The following TTC6 variants were observed in gnomAD, a reference collection of about 807,000 sequenced individuals.
TTC6 encodes the protein tetratricopeptide repeat domain 6.
In TTC6, 172 loss-of-function variants were observed where a neutral mutation model predicts 210.4. The observed-to-expected ratio is 0.82, with a 90% CI of 0.72 to 0.93. TTC6 has a LOEUF of 0.93. TTC6 is among the 40% of genes least tolerant of loss of function. The pLI, the probability that TTC6 is intolerant of heterozygous loss-of-function variation, is 0.00. For missense variants in TTC6, 2,414 were observed against 2,318.1 expected (o/e 1.04, Z -0.85); for synonymous variants, 804 against 819.6 (o/e 0.98, Z 0.32).
chr14:37,739,867 A>G (rs1168935226), intron 10 of TTC6, among the ~76,000 whole-genome samples: 1 of 152,102 alleles, frequency 6.6e-6, no homozygotes, highest in African/African-American at 2.4e-5. Context: ...TGAGTTATAA[A>G]TCTAGATAAT....
chr14:37,616,117 C>T (rs2095642249), intron 2 of TTC6, among the ~76,000 whole-genome samples: 2 of 152,164 alleles, frequency 1.3e-5, no homozygotes, highest in Non-Finnish European at 2.9e-5. Flanking sequence ...CTCTTTAAGC[C>T]TTTACTGTGC....
chr14:37,711,029 C>A (rs756786953), intron 5 of TTC6, among the ~76,000 whole-genome samples: 1 of 152,056 alleles, frequency 6.6e-6, no homozygotes, highest in African/African-American at 2.4e-5. Flanking sequence ...GTTTCTGACT[C>A]ATTAGGTCTG....
intron 26 of TTC6, among the ~76,000 whole-genome samples, chr14:37,818,250 A>G (rs2096146911): frequency 6.6e-6 from 1 of 152,098 alleles, no homozygotes; most frequent in Non-Finnish European, 1.5e-5. Flanking sequence ...ACATAAGGTT[A>G]AAATATAGAA....
At chr14:37,711,318 A>T (rs768277223) in intron 5 of TTC6, among the ~76,000 whole-genome samples, 7 of 152,150 alleles carry the variant, frequency 4.6e-5, no homozygotes, top group Non-Finnish European at 1.0e-4. Context: ...TACTGTGAAA[A>T]AGGCATACGG....
chr14:37,610,672 T>A (rs1325511017), intron 2 of TTC6, among the ~76,000 whole-genome samples: 1 of 152,188 alleles, frequency 6.6e-6, no homozygotes. Flanking sequence ...CCGACTGCCG[T>A]AGTACTGCCT....
chr14:37,765,115 G>C (rs1008176866), intron 14 of TTC6, among the ~76,000 whole-genome samples: 10 of 151,720 alleles, frequency 6.6e-5, no homozygotes, highest in African/African-American at 2.4e-4. Context: ...GTATAAGTTT[G>C]TCCCCAACTT....
intron 10 of TTC6, among the ~76,000 whole-genome samples, chr14:37,740,237 TTCCTTACTTGAAAGTAA>T (rs1432490318): frequency 6.6e-6 from 1 of 152,152 alleles, no homozygotes; most frequent in East Asian, 1.9e-4. Context: ...AAATAGTTTT[TTCCTTACTTGAAAGTAA>T]TAGTAGCCAG....
intron 14 of TTC6, among the ~76,000 whole-genome samples, chr14:37,768,979 A>G (rs1485978718): frequency 6.6e-6 from 1 of 152,046 alleles, no homozygotes; most frequent in East Asian, 1.9e-4. Flanking sequence ...ACGTCCCATC[A>G]ATACCTAATT....
intron 5 of TTC6, among the ~76,000 whole-genome samples, chr14:37,710,240 C>T (rs1213320140): frequency 1.3e-5 from 2 of 152,104 alleles, no homozygotes; most frequent in Non-Finnish European, 2.9e-5. Flanking sequence ...GAGAACCTCT[C>T]TGTTGGGGTC....
chr14:37,629,232 C>T lies in TTC6; in HGVS notation c.939+6229C>T, dbSNP rs561753046. Among the ~76,000 whole-genome samples, 3 of 152,264 alleles carry T rather than the reference C, an allele frequency of 2.0e-5. No individual in the cohort carries two copies. In the South Asian group the frequency reaches 6.2e-4, roughly 32 times the overall value. On this transcript the variant is annotated intron_variant, in intron 1 of 30. Transcript: ENST00000553443. Reference sequence around the variant, plus strand: ...TTTTCACGATATTGATTCTTCCTATCCATGAGCATGGAATATTTTTCCATT... The same window carrying T: ...TTTTCACGATATTGATTCTTCCTATTCATGAGCATGGAATATTTTTCCATT...
At chr14:37,759,784 A>G (rs938966842) in intron 14 of TTC6, among the ~76,000 whole-genome samples, 4 of 151,940 alleles carry the variant, frequency 2.6e-5, no homozygotes, top group African/African-American at 9.7e-5. Flanking sequence ...TTTCTACTTG[A>G]TTGATTTGGC....
chr14:37,685,240 G>A (rs1423721204), intron 3 of TTC6, among the ~76,000 whole-genome samples: 2 of 152,142 alleles, frequency 1.3e-5, no homozygotes, highest in Non-Finnish European at 2.9e-5. Context: ...CAGGTATGGG[G>A]ATGTCCTGAA....
chr14:37,819,806 C>T (rs1410449807), intron 26 of TTC6, among the ~76,000 whole-genome samples: 4 of 152,148 alleles, frequency 2.6e-5, no homozygotes, highest in Non-Finnish European at 2.9e-5. Flanking sequence ...CATCTGGTCA[C>T]GTATGTGATT....
intron 14 of TTC6, among the ~76,000 whole-genome samples, chr14:37,762,332 A>T (rs2095987033): frequency 6.6e-6 from 1 of 152,162 alleles, no homozygotes; most frequent in African/African-American, 2.4e-5. Context: ...AATACTTTGG[A>T]TATATACCCA....
At chr14:37,801,118 GGATATTATT>G (rs2096105664) in intron 20 of TTC6, among the ~76,000 whole-genome samples, 1 of 152,078 alleles carries the variant, frequency 6.6e-6, no homozygotes, top group Non-Finnish European at 1.5e-5. Context: ...GAATATCTGT[GGATATTATT>G]CTATGCCTGT....
intron 1 of TTC6, among the ~76,000 whole-genome samples, chr14:37,656,371 GCTA>G (rs2095722924): frequency 6.6e-6 from 1 of 152,162 alleles, no homozygotes; most frequent in Non-Finnish European, 1.5e-5. Context: ...TCTTTGAACA[GCTA>G]CTATGTACCA....
intron 15 of TTC6, among the ~76,000 whole-genome samples, chr14:37,788,615 G>A (rs545615765): frequency 1.4e-4 from 21 of 152,124 alleles, no homozygotes; most frequent in African/African-American, 4.6e-4. Flanking sequence ...TAATTCTTTC[G>A]TCATCTTTGA....
upstream of TTC6, among the ~76,000 whole-genome samples, chr14:37,620,037 AT>A (rs1195786952): frequency 3.3e-5 from 5 of 152,190 alleles, no homozygotes; most frequent in African/African-American, 9.6e-5. Flanking sequence ...GTTTCAGTAC[AT>A]TTTTTTGTTA....
intron 27 of TTC6, 133 bp downstream of exon 29, chr14:37,824,090 C>T: frequency 1.2e-6 from 1 of 864,672 alleles, no homozygotes; most frequent in Non-Finnish European, 1.8e-6. Context: ...TTTTAGGTTC[C>T]AGAGTAGCAG....
Sources: gnomAD v4.1 joint callset for allele counts (sites outside exome capture counted in the v4.1 genomes callset) on GRCh38, gnomAD v4.1.1 for gene constraint, MANE v1.5 for transcripts, NCBI Gene and HGNC (gene_info 2026-07-23, HGNC 2026-07-21) for gene names.